The following COL25A1 variants were observed in gnomAD, a reference collection of about 807,000 sequenced individuals.
The protein encoded by COL25A1 is collagen alpha-1(XXV) chain.
A neutral mutation model predicts 128.4 loss-of-function variants in COL25A1; 103 were observed. The ratio of observed to expected loss-of-function variants is 0.80; its 90% confidence interval spans 0.68 to 0.94. The LOEUF (loss-of-function observed/expected upper bound fraction) is 0.94, where lower values mean the gene tolerates loss of function less well. Ranked by LOEUF, COL25A1 falls within the 40% of genes least tolerant of loss-of-function variation. The pLI is 0.00. For missense variants in COL25A1, 745 were observed against 840.0 expected, an observed-to-expected ratio of 0.89 and a Z score of 1.40; for synonymous variants, 279 against 277.2, an observed-to-expected ratio of 1.01 and a Z score of -0.06.
intron 6 of COL25A1, among the ~76,000 whole-genome samples, chr4:109,004,672 T>C (rs958183413): frequency 4.6e-5 from 7 of 151,460 alleles, no homozygotes; most frequent in Admixed American, 2.6e-4. Context: ...TGTGGCACCT[T>C]CTCTCTCTCT....
chr4:109,215,766 A>C (rs1192862386), intron 3 of COL25A1, among the ~76,000 whole-genome samples: 1 of 152,126 alleles, frequency 6.6e-6, no homozygotes, highest in African/African-American at 2.4e-5. Flanking sequence ...CTCTGACCTA[A>C]CACAGCTCCC....
At chr4:108,885,207 T>C (rs185643718) in intron 18 of COL25A1, among the ~76,000 whole-genome samples, 20 of 152,324 alleles carry the variant, frequency 1.3e-4, no homozygotes, top group African/African-American at 3.4e-4. Flanking sequence ...TCCTTTCATC[T>C]AAATGCTTTA....
chr4:109,207,094 T>C (rs1453920776), intron 3 of COL25A1, among the ~76,000 whole-genome samples: 2 of 152,212 alleles, frequency 1.3e-5, no homozygotes, highest in Non-Finnish European at 2.9e-5. Flanking sequence ...TATCCAACAC[T>C]TTAATGACTC....
At chr4:109,112,010 CCTT>C (rs2126039757) in intron 3 of COL25A1, among the ~76,000 whole-genome samples, 1 of 152,064 alleles carries the variant, frequency 6.6e-6, no homozygotes, top group African/African-American at 2.4e-5. Flanking sequence ...CCTAGCTACT[CCTT>C]CTAGTTTCTG....
chr4:109,012,379 G>A (rs1418595692), intron 5 of COL25A1, among the ~76,000 whole-genome samples: 2 of 149,738 alleles, frequency 1.3e-5, no homozygotes, highest in African/African-American at 2.5e-5. Context: ...GGCTACGCTT[G>A]AGGAGCCCTT....
chr4:109,172,057 T>C (rs1773642586), intron 3 of COL25A1, among the ~76,000 whole-genome samples: 1 of 152,158 alleles, frequency 6.6e-6, no homozygotes, highest in African/African-American at 2.4e-5. Context: ...GTATATGTCC[T>C]GCAGGGCCAC....
chr4:109,222,057 T>C (rs115799500), intron 3 of COL25A1, among the ~76,000 whole-genome samples: 6,587 of 125,338 alleles, frequency 0.053, 445 homozygotes, highest in African/African-American at 0.16. Context: ...TCTAAATAAC[T>C]TCTTTTTTTT....
At chr4:109,253,728 C>A (rs557190158) in intron 3 of COL25A1, among the ~76,000 whole-genome samples, 1 of 152,254 alleles carries the variant, frequency 6.6e-6, no homozygotes, top group South Asian at 2.1e-4. Context: ...ACTCTAAAAT[C>A]CACTTTTTGA....
intron 6 of COL25A1, among the ~76,000 whole-genome samples, chr4:108,984,551 C>T (rs545935369): frequency 6.6e-6 from 1 of 152,326 alleles, no homozygotes; most frequent in Admixed American, 6.5e-5. Flanking sequence ...GGGAAGGCAG[C>T]TAAGGCCCAG....
chr4:108,983,076 ACAGT>A (rs774586194), intron 6 of COL25A1, among the ~76,000 whole-genome samples: 34 of 152,348 alleles, frequency 2.2e-4, no homozygotes, highest in Admixed American at 8.5e-4. Flanking sequence ...CAAATTAAAT[ACAGT>A]CAAATTACCG....
intron 3 of COL25A1, among the ~76,000 whole-genome samples, chr4:109,058,746 C>T (rs192387055): frequency 3.9e-5 from 6 of 152,268 alleles, no homozygotes; most frequent in Admixed American, 3.9e-4. Context: ...ACAGCAGCAC[C>T]ACATACACCA....
intron 3 of COL25A1, among the ~76,000 whole-genome samples, chr4:109,180,072 T>C (rs1237067404): frequency 6.6e-6 from 1 of 152,194 alleles, no homozygotes. Flanking sequence ...TGGAAATACG[T>C]CTGGTTAGAG....
At chr4:109,174,028 A>G (rs949060632) in intron 3 of COL25A1, among the ~76,000 whole-genome samples, 2 of 152,146 alleles carry the variant, frequency 1.3e-5, no homozygotes, top group African/African-American at 4.8e-5. Flanking sequence ...ATATGTCTAT[A>G]TTTTTTAATT....
chr4:108,983,331 G>A (rs1343938461), intron 6 of COL25A1, among the ~76,000 whole-genome samples: 1 of 152,102 alleles, frequency 6.6e-6, no homozygotes, highest in Non-Finnish European at 1.5e-5. Context: ...ACAGCTAATG[G>A]TGCAATCTAC....
At position 109,012,508 on chromosome 4, in the gene COL25A1, G is replaced by T. The variant is rs1182560625; in HGVS notation, c.421-2133C>A. ...CGGGCAGGAACTTGGGCTGCGTGCA[G>T]CGCTCGTGGGCCAGCGCGAGTTCCA... On this transcript the variant is annotated intron_variant, in intron 5 of 37. Coordinates refer to ENST00000399132, the MANE Select transcript of COL25A1 (RefSeq NM_198721.4). Among the ~76,000 whole-genome samples the T allele has an allele frequency of 2.6e-5, 4 of 152,188 alleles. 1 individual carries two copies. Among genetic ancestry groups the T allele is most frequent in the Admixed American group, 2.6e-4 (4 of 15,288 alleles).
intron 8 of COL25A1, among the ~76,000 whole-genome samples, chr4:108,956,046 A>G (rs1750036870): frequency 6.6e-6 from 1 of 152,222 alleles, no homozygotes; most frequent in Non-Finnish European, 1.5e-5. Flanking sequence ...AAGAAGAAAT[A>G]GAAGAGAGAA....
intron 8 of COL25A1, among the ~76,000 whole-genome samples, chr4:108,973,357 T>A (rs557906100): frequency 3.3e-5 from 5 of 152,320 alleles, no homozygotes; most frequent in African/African-American, 1.2e-4. Flanking sequence ...AAGAAGTGAC[T>A]GAAGAACAAA....
intron 8 of COL25A1, among the ~76,000 whole-genome samples, chr4:108,956,520 C>T (rs1219839798): frequency 1.3e-5 from 2 of 152,218 alleles, no homozygotes; most frequent in Admixed American, 1.3e-4. Flanking sequence ...ATTCTCCTGC[C>T]TCAGCCTCCC....
intron 3 of COL25A1, among the ~76,000 whole-genome samples, chr4:109,243,123 C>T (rs886297888): frequency 7.2e-5 from 11 of 152,030 alleles, no homozygotes; most frequent in African/African-American, 1.2e-4. Flanking sequence ...TAAAAACTTT[C>T]GTTTCTTAAT....
Sources: allele counts gnomAD v4.1 joint callset (sites outside exome capture counted in the v4.1 genomes callset), GRCh38; gene constraint gnomAD v4.1.1; transcripts MANE v1.5; gene names NCBI Gene and HGNC (gene_info 2026-07-23, HGNC 2026-07-21).